Variants in ANKFN1 observed in about 807,000 individuals in gnomAD.
ANKFN1 encodes the protein ankyrin repeat and fibronectin type-III domain-containing protein 1.
ANKFN1 carries 74 observed loss-of-function variants against 108.7 expected under a neutral mutation model. That is an observed-to-expected ratio of 0.68 (90% confidence interval 0.56 to 0.83). ANKFN1 has a LOEUF of 0.83. Among genes scored for constraint, ANKFN1 ranks in the 40% least tolerant of loss-of-function variants. ANKFN1 has a pLI of 0.00. For missense variants in ANKFN1, 1,505 were observed against 1,382.3 expected (o/e 1.09, Z -1.41); for synonymous variants, 547 against 516.2 (o/e 1.06, Z -0.81).
chr17:56,265,801 TA>T (rs2043634686), intron 3 of ANKFN1, among the ~76,000 whole-genome samples: 2 of 152,226 alleles, frequency 1.3e-5, no homozygotes. Flanking sequence ...AAATGCTATA[TA>T]AGTTGTTGTT....
chr17:56,427,443 A>C (rs1405596641), intron 8 of ANKFN1, among the ~76,000 whole-genome samples: 3 of 151,930 alleles, frequency 2.0e-5, no homozygotes, highest in African/African-American at 7.3e-5. Context: ...CTCAGTACTT[A>C]TCTTGGCCAC....
intron 20 of ANKFN1, 112 bp downstream of exon 20, chr17:56,499,210 C>T: frequency 9.8e-7 from 1 of 1,022,686 alleles, no homozygotes; most frequent in Non-Finnish European, 1.4e-6. Context: ...GATGAAAACA[C>T]TGCTCAGGGG....
At chr17:56,280,898 G>A (rs369688395) in intron 3 of ANKFN1, among the ~76,000 whole-genome samples, 15 of 152,102 alleles carry the variant, frequency 9.9e-5, no homozygotes, top group African/African-American at 3.4e-4. Context: ...GAATCATGGG[G>A]GTAGGTCTTT....
intron 11 of ANKFN1, among the ~76,000 whole-genome samples, chr17:56,450,391 A>G (rs1195419981): frequency 6.6e-6 from 1 of 152,042 alleles, no homozygotes; most frequent in Non-Finnish European, 1.5e-5. Context: ...TCACAGTAGG[A>G]CCCTTCAGCA....
intron 16 of ANKFN1, 120 bp downstream of exon 16, chr17:56,477,774 T>A: frequency 9.6e-7 from 1 of 1,046,972 alleles, no homozygotes; most frequent in Non-Finnish European, 1.4e-6. Context: ...TGAGGTGTCC[T>A]CAGATGCCAC....
intron 3 of ANKFN1, among the ~76,000 whole-genome samples, chr17:56,322,254 A>G (rs765058264): frequency 1.3e-5 from 2 of 152,096 alleles, no homozygotes; most frequent in African/African-American, 2.4e-5. Context: ...GTCACCTTCA[A>G]CGTGTCTCTC....
Position 56,514,188 on chromosome 17 carries a change from A to T in ANKFN1, c.*2919A>T. On this transcript the variant is annotated 3_prime_UTR_variant, in exon 21 of 21. Transcript: ENST00000682825. ...CCAGGGTTTTCTAACATGCTTGATC[A>T]GCTTTCATCATTTGTGAAAATCCTC... Among the ~76,000 whole-genome samples the T allele has an allele frequency of 6.6e-6, 1 of 152,134 alleles. No homozygotes were observed. The highest frequency in any genetic ancestry group is 6.5e-5 in the Admixed American group (1 of 15,274).
chr17:56,092,285 T>TTTC (rs60379435), intron 4 of ANKFN1, among the ~76,000 whole-genome samples: 60 of 143,288 alleles, frequency 4.2e-4, no homozygotes, highest in Middle Eastern at 3.5e-3. Flanking sequence ...TTTTTTTTTT[T>TTTC]TTGAGATGGA....
At chr17:56,432,505 C>A (rs113636656) in intron 8 of ANKFN1, among the ~76,000 whole-genome samples, 1 of 152,212 alleles carries the variant, frequency 6.6e-6, no homozygotes, top group South Asian at 2.1e-4. Flanking sequence ...TCGGGAGTAG[C>A]GCCCTGGTAT....
rs2049399780 is a variant in ANKFN1, at chr17:56,449,166, A to G, written c.1187A>G (p.His396Arg). Residue 396 changes from histidine (H) to arginine (R), a missense_variant, in exon 11 of 21, where the codon CAT (histidine) becomes CGT (arginine). Physicochemically the swap from His to Arg is conservative, Grantham distance 29. Coordinates refer to ENST00000682825, the MANE Select transcript of ANKFN1 (RefSeq NM_001370326.1). ...EGLLQQVRAL[H>R]QHYSCRESTK... ...CTGCTGCAGCAGGTCCGAGCCCTTC[A>G]TCAGCATTACAGTTGCCGGGGTAAG... is the stretch of plus-strand genomic sequence containing the variant. The G allele has an allele frequency of 1.2e-6, 2 of 1,613,420 alleles. No individual in the cohort carries two copies. The highest frequency in any genetic ancestry group is 2.2e-5 in the East Asian group (1 of 44,838).
chr17:56,376,664 C>T (rs540959592), intron 8 of ANKFN1, among the ~76,000 whole-genome samples: 5 of 152,116 alleles, frequency 3.3e-5, no homozygotes, highest in African/African-American at 4.8e-5. Flanking sequence ...CCCACAATGC[C>T]GGCAAATTCT....
chr17:56,370,137 T>A (rs910321597), intron 6 of ANKFN1, among the ~76,000 whole-genome samples: 31 of 152,154 alleles, frequency 2.0e-4, no homozygotes, highest in African/African-American at 7.2e-4. Flanking sequence ...AGTTTAGATA[T>A]CCCAGTTTGA....
chr17:56,170,695 C>T (rs1338108464), intron 1 of ANKFN1, among the ~76,000 whole-genome samples: 2 of 148,396 alleles, frequency 1.3e-5, no homozygotes, highest in South Asian at 2.2e-4. Context: ...CCTGGGAGGC[C>T]GAGGTTGCAG....
chr17:56,117,036 G>A (rs749488873), intron 4 of ANKFN1, among the ~76,000 whole-genome samples: 6 of 152,100 alleles, frequency 3.9e-5, no homozygotes, highest in Non-Finnish European at 7.4e-5. Flanking sequence ...TCCTCAGACA[G>A]GTCCATCTTG....
In ANKFN1 at chr17:56,053,663, T is replaced by C. The variant is rs142477164; in HGVS notation, c.288+7338T>C. ...ACTGATTTCTTTTCTTTGGGTTATA[T>C]ACCCAGCAGTGGGATTGTTGGATTT... is the stretch of plus-strand genomic sequence containing the variant. On this transcript the variant is annotated intron_variant, in intron 4 of 12. Coordinates refer to the ANKFN1 transcript ENST00000635860. Among the ~76,000 whole-genome samples the C allele has an allele frequency of 5.4e-3, 818 of 152,290 alleles. 11 individuals are homozygous for C. The highest frequency in any genetic ancestry group is 0.019 in the African/African-American group (788 of 41,556).
At chr17:56,506,415 A>C (rs535875358) in intron 20 of ANKFN1, among the ~76,000 whole-genome samples, 1 of 152,280 alleles carries the variant, frequency 6.6e-6, no homozygotes, top group South Asian at 2.1e-4. Context: ...AGAGGCCATG[A>C]GAAGTCAGAA....
intron 3 of ANKFN1, among the ~76,000 whole-genome samples, chr17:56,273,343 C>T (rs1482514812): frequency 6.6e-6 from 1 of 152,032 alleles, no homozygotes; most frequent in Non-Finnish European, 1.5e-5. Context: ...TTTAGCCATT[C>T]TTTGTTTGAC....
intron 3 of ANKFN1, among the ~76,000 whole-genome samples, chr17:56,283,438 T>C (rs1437971540): frequency 1.3e-5 from 2 of 152,002 alleles, no homozygotes; most frequent in Admixed American, 1.3e-4. Flanking sequence ...TGCACACATA[T>C]GTTTATCGCT....
At chr17:56,362,531 A>G (rs1305866217) in intron 6 of ANKFN1, among the ~76,000 whole-genome samples, 1 of 152,244 alleles carries the variant, frequency 6.6e-6, no homozygotes, top group African/African-American at 2.4e-5. Flanking sequence ...CGGTGTTGGG[A>G]AAACTGTATA....
Sources: allele counts gnomAD v4.1 joint callset (sites outside exome capture counted in the v4.1 genomes callset), GRCh38; gene constraint gnomAD v4.1.1; transcripts MANE v1.5; gene names NCBI Gene and HGNC (gene_info 2026-07-23, HGNC 2026-07-21).